RANBP2: variants seen among roughly 807,000 people sequenced by gnomAD.
The protein encoded by RANBP2 is RAN binding protein 2, also known as E3 SUMO-protein ligase RanBP2.
RANBP2 carries 57 observed loss-of-function variants against 303.6 expected under a neutral mutation model. That is an observed-to-expected ratio of 0.19 (90% CI 0.15 to 0.23). The LOEUF is 0.23. Among genes scored for constraint, RANBP2 ranks in the 10% least tolerant of loss-of-function variants. The pLI is 1.00. For missense variants in RANBP2, 3,138 were observed against 3,780.8 expected (o/e 0.83, Z 4.46); for synonymous variants, 1,167 against 1,301.5 (o/e 0.90, Z 2.23).
At chr2:108,827,277 A>G in the RANBP2 span, among the ~76,000 whole-genome samples, 5 of 152,226 alleles carry the variant, frequency 3.3e-5, no homozygotes, top group African/African-American at 9.6e-5. Context: ...CAGTTGCTAA[A>G]AAGCAAAAAA....
the RANBP2 span, among the ~76,000 whole-genome samples, chr2:109,239,741 C>A: frequency 0.01 from 1,530 of 152,218 alleles, 11 homozygotes; most frequent in South Asian, 0.024. Flanking sequence ...AATGGAGCCA[C>A]CTGTGGAAAG....
At chr2:108,824,994 A>G in the RANBP2 span, among the ~76,000 whole-genome samples, 761 of 152,340 alleles carry the variant, frequency 5.0e-3, 4 homozygotes, top group South Asian at 0.021. Flanking sequence ...GAACTCTTTC[A>G]TATGGAACTA....
In RANBP2 at chr2:108,764,229, T is replaced by C. The variant is rs764726202; in HGVS notation, c.3690T>C (p.Ile1230=). ...TGAGGCATAAAACATCTGGTAAAAT[T>C]CGCCTTCTAATGAGACGAGAGCAAG... is the stretch of plus-strand genomic sequence containing the variant. ...KILRHKTSGK[I]RLLMRREQVL... is the part of the protein sequence containing the mutation. The change falls in exon 20 of 29, where the codon ATT becomes ATC. Residue 1230 remains isoleucine (I), a synonymous_variant. Coordinates refer to ENST00000283195, the MANE Select transcript of RANBP2 (RefSeq NM_006267.5). The C allele has an allele frequency of 1.2e-6, 2 of 1,613,918 alleles. No individual in the cohort carries two copies. The highest frequency in any genetic ancestry group is 8.5e-7 in the Non-Finnish European group (1 of 1,179,968).
chr2:109,027,677 G>A, the RANBP2 span, among the ~76,000 whole-genome samples: 1 of 137,724 alleles, frequency 7.3e-6, no homozygotes, highest in East Asian at 2.4e-4. Context: ...CGTAAGCGTC[G>A]TTATGACTAT....
At chr2:109,151,439 A>G in the RANBP2 span, among the ~76,000 whole-genome samples, 1 of 152,250 alleles carries the variant, frequency 6.6e-6, no homozygotes, top group Non-Finnish European at 1.5e-5. Flanking sequence ...GCACCATCCA[A>G]TACAAATAGA....
the RANBP2 span, among the ~76,000 whole-genome samples, chr2:109,565,246 G>A: frequency 2.0e-5 from 3 of 151,956 alleles, no homozygotes; most frequent in Non-Finnish European, 4.4e-5. Flanking sequence ...ATCCATACTA[G>A]TAAGGGTAAT....
the RANBP2 span, among the ~76,000 whole-genome samples, chr2:109,654,853 C>T: frequency 5.3e-5 from 8 of 151,962 alleles, no homozygotes; most frequent in African/African-American, 1.9e-4. Context: ...TGTGGCGTGA[C>T]CTCTCAGAGT....
chr2:108,734,201 G>A (rs1695389451), intron 4 of RANBP2, among the ~76,000 whole-genome samples: 1 of 151,084 alleles, frequency 6.6e-6, no homozygotes, highest in Non-Finnish European at 1.5e-5. Flanking sequence ...GTTGGGGAAA[G>A]ACGAGTTTAA....
At chr2:109,293,628 T>C in the RANBP2 span, among the ~76,000 whole-genome samples, 1 of 152,212 alleles carries the variant, frequency 6.6e-6, no homozygotes, top group South Asian at 2.1e-4. Flanking sequence ...TTTCCAAGAC[T>C]CCTTCATTTG....
chr2:108,749,176 A>T (rs759115189), intron 9 of RANBP2, 47 bp downstream of exon 9: 5 of 1,611,348 alleles, frequency 3.1e-6, no homozygotes. Flanking sequence ...TAATTCTTAT[A>T]AATTGCCCAT....
the RANBP2 span, among the ~76,000 whole-genome samples, chr2:109,669,937 C>A: frequency 5.9e-5 from 9 of 151,638 alleles, no homozygotes; most frequent in Non-Finnish European, 1.5e-5. Flanking sequence ...CAAGCGACCC[C>A]CCACCACGGG....
the RANBP2 span, among the ~76,000 whole-genome samples, chr2:109,481,384 C>T: frequency 6.6e-6 from 1 of 152,206 alleles, no homozygotes; most frequent in Admixed American, 6.5e-5. Flanking sequence ...GGCTATGCTT[C>T]TGGCAGCGTT....
the RANBP2 span, among the ~76,000 whole-genome samples, chr2:109,512,004 T>G: frequency 6.6e-6 from 1 of 152,180 alleles, no homozygotes. Context: ...GACTCCCAAG[T>G]GGGAGTTGAG....
At chr2:109,726,030 G>A in the RANBP2 span, among the ~76,000 whole-genome samples, 1 of 150,604 alleles carries the variant, frequency 6.6e-6, no homozygotes, top group Non-Finnish European at 1.5e-5. Context: ...ACTGCTCCCA[G>A]CTGAGGCTGG....
chr2:109,078,211 G>GTGTATATA, the RANBP2 span, among the ~76,000 whole-genome samples: 1 of 36,478 alleles, frequency 2.7e-5, no homozygotes, highest in Non-Finnish European at 5.9e-5. Flanking sequence ...TATATATAGC[G>GTGTATATA]TATATATATA....
intron 24 of RANBP2, 89 bp from the exon 25 acceptor site, chr2:108,777,041 A>C: frequency 9.0e-7 from 1 of 1,107,916 alleles, no homozygotes. Context: ...AGAGTATACA[A>C]GTCTCTACTG....
chr2:109,280,138 C>G, the RANBP2 span, among the ~76,000 whole-genome samples: 1 of 152,136 alleles, frequency 6.6e-6, no homozygotes, highest in African/African-American at 2.4e-5. Flanking sequence ...TTTCTTGCTG[C>G]AATGCTGTCA....
At chr2:109,411,761 T>C in the RANBP2 span, among the ~76,000 whole-genome samples, 1 of 152,212 alleles carries the variant, frequency 6.6e-6, no homozygotes, top group Non-Finnish European at 1.5e-5. Context: ...ATGTCAGTTT[T>C]AGGCATTCTT....
chr2:109,441,897 TACTG>T, the RANBP2 span, among the ~76,000 whole-genome samples: 1 of 152,040 alleles, frequency 6.6e-6, no homozygotes, highest in Non-Finnish European at 1.5e-5. Flanking sequence ...CCAAAAAACA[TACTG>T]AAAGAAATAT....
Sources: gnomAD v4.1 joint callset for allele counts (sites outside exome capture counted in the v4.1 genomes callset) on GRCh38, gnomAD v4.1.1 for gene constraint, MANE v1.5 for transcripts, NCBI Gene and HGNC (gene_info 2026-07-23, HGNC 2026-07-21) for gene names.